The following BRWD3 variants were observed in gnomAD, a reference collection of about 807,000 sequenced individuals.
BRWD3 encodes the protein bromodomain and WD repeat domain containing 3.
A neutral mutation model predicts 149.7 loss-of-function variants in BRWD3; 10 were observed. The ratio of observed to expected loss-of-function variants is 0.07; its 90% CI spans 0.04 to 0.11. BRWD3 has a LOEUF of 0.11. Among genes scored for constraint, BRWD3 ranks in the 10% least tolerant of loss-of-function variants. The pLI is 1.00. For synonymous variants in BRWD3, 504 were observed against 456.7 expected (o/e 1.10, Z -1.32); for missense variants, 940 against 1,373.2 (o/e 0.68, Z 4.99).
At chrX:80,795,905 C>T (rs143148561) in intron 4 of BRWD3, among the ~76,000 whole-genome samples, 1,476 of 109,801 alleles carry the variant, frequency 0.013, 77 homozygotes, top group Admixed American at 0.13. Context: ...CACTCCAGCC[C>T]GTGGGTGACC....
At chrX:80,740,854 T>C (rs1041482291) in intron 8 of BRWD3, among the ~76,000 whole-genome samples, 2 of 112,217 alleles carry the variant, frequency 1.8e-5, no homozygotes, top group African/African-American at 6.5e-5. Flanking sequence ...CTGGCAAACA[T>C]CTTGCATTAA....
chrX:80,800,916 G>C (rs1009917020), intron 4 of BRWD3, among the ~76,000 whole-genome samples: 6 of 109,964 alleles, frequency 5.5e-5, no homozygotes, highest in African/African-American at 2.0e-4. Flanking sequence ...CACCAGAAGC[G>C]ACCCTCCTAG....
At chrX:80,704,580 A>C in intron 23 of BRWD3, 98 bp downstream of exon 23, 1 of 831,721 alleles carries the variant, frequency 1.2e-6, no homozygotes, top group African/African-American at 2.1e-5. Context: ...ATGAAATGTT[A>C]TTTTTAGAGA....
Position 80,712,959 on chromosome X carries a change from C to A in BRWD3, c.2325+3198G>T, listed in dbSNP as rs761732795. Among the ~76,000 whole-genome samples, 7 of 110,498 alleles carry A rather than the reference C, an allele frequency of 6.3e-5. 1 individual carries two copies. In the Admixed American group the frequency reaches 6.6e-4, roughly 10 times the overall value. On this transcript the variant is annotated intron_variant, in intron 20 of 40. Coordinates refer to ENST00000373275, the MANE Select transcript of BRWD3 (RefSeq NM_153252.5). ...GAGGAGCTCCTCCGCCCGGCACCCACCCCGTCTGGGAAGTGAGGAGCGTCT... is the reference window on the plus strand; with the variant it reads ...GAGGAGCTCCTCCGCCCGGCACCCAACCCGTCTGGGAAGTGAGGAGCGTCT...
chrX:80,706,371 A>ATTT (rs1214391564), intron 22 of BRWD3, among the ~76,000 whole-genome samples: 8 of 111,846 alleles, frequency 7.2e-5, no homozygotes, highest in Non-Finnish European at 1.5e-4. Flanking sequence ...GGCCTCCAAA[A>ATTT]GTGCTGAGAT....
rs891053958 is a variant in BRWD3, at chrX:80,728,423, C to T, written c.1386+329G>A. Among the ~76,000 whole-genome samples, 3 of 111,296 alleles carry T rather than the reference C, an allele frequency of 2.7e-5. No homozygotes were observed. In the Admixed American group the frequency reaches 2.9e-4, roughly 11 times the overall value. ...AGGATACCCTTGTTGAAATAAGGTA[C>T]GCTCTACCCCTATAACGGTAACAAT... On this transcript the variant is annotated intron_variant, in intron 14 of 40. Transcript: ENST00000373275.
Position 80,809,693 on chromosome X carries a change from G to A in BRWD3, c.-222C>T. On this transcript the variant is annotated 5_prime_UTR_variant, in exon 1 of 41. Coordinates refer to ENST00000373275, the MANE Select transcript of BRWD3 (RefSeq NM_153252.5). ...GAGGCGGAGGAGGAAGGAGAGGAGA[G>A]GGAGAGGGAGAGAGAGAGTGAGTGA... 2.5e-6 allele frequency: 1 copy of A among 405,098 alleles called. No individual in the cohort carries two copies. Among genetic ancestry groups the A allele is most frequent in the Admixed American group, 4.5e-5 (1 of 22,070 alleles). 33.4% of individuals were successfully genotyped at this position (405,098 alleles called of 1,213,427 possible). A position where few individuals can be genotyped will look rare whatever the true frequency, so the allele number is the denominator to read the frequency against.
At chrX:80,751,684 C>T (rs1454508323) in intron 6 of BRWD3, among the ~76,000 whole-genome samples, 2 of 111,466 alleles carry the variant, frequency 1.8e-5, no homozygotes, top group Non-Finnish European at 3.8e-5. Flanking sequence ...ACACTGTACT[C>T]ATTAAGTAAT....
At position 80,676,570 on chromosome X, in the gene BRWD3, G is replaced by C; in HGVS notation, c.*39C>G. 8.3e-7 allele frequency: 1 copy of C among 1,197,936 alleles called. No homozygotes were observed. Among genetic ancestry groups the C allele is most frequent in the Non-Finnish European group, 1.1e-6 (1 of 885,431 alleles). On this transcript the variant is annotated 3_prime_UTR_variant, in exon 41 of 41. Transcript: ENST00000373275. ...CCTGGTAAATTCCCTGCAGTAGAAG[G>C]CCATTGAATTTTTTAAGTTATTCTA...
chrX:80,717,740 C>T lies in BRWD3; in HGVS notation c.2064G>A (p.Met688Ile). Reference sequence around the variant, plus strand: ...TGATGTTTGGGGAAGAAGATATGTCCATGTTTGGACTTCTCAGAGCTAAAA... The same window carrying T: ...TGATGTTTGGGGAAGAAGATATGTCTATGTTTGGACTTCTCAGAGCTAAAA... ...SVNGALRSPN[M>I]DISSSPNIRL... Residue 688 changes from methionine (M) to isoleucine (I), a missense_variant, in exon 19 of 41, where the codon ATG (methionine) becomes ATA (isoleucine). Physicochemically the swap from Met to Ile is conservative, Grantham distance 10. This residue lies in a region of BRWD3 where 103 missense variants were observed against 103.2 expected (regional missense o/e 1.00). Coordinates refer to ENST00000373275, the MANE Select transcript of BRWD3 (RefSeq NM_153252.5). 1 of 1,210,714 alleles carries T rather than the reference C, an allele frequency of 8.3e-7. No individual in the cohort carries two copies. The highest frequency in any genetic ancestry group is 1.1e-6 in the Non-Finnish European group (1 of 894,755).
At chrX:80,710,806 T>G in intron 20 of BRWD3, 4 of 382,377 alleles carry the variant, frequency 1.0e-5, no homozygotes, top group South Asian at 3.0e-5. Flanking sequence ...TGGAATGGTA[T>G]GTTTTAGGAA....
intron 8 of BRWD3, among the ~76,000 whole-genome samples, chrX:80,742,578 A>C (rs2073530126): frequency 9.1e-6 from 1 of 109,988 alleles, no homozygotes; most frequent in African/African-American, 3.3e-5. Context: ...TTCATTGAGC[A>C]GTGGTTTGCA....
intron 6 of BRWD3, among the ~76,000 whole-genome samples, chrX:80,756,468 C>T (rs180952900): frequency 1.1e-5 from 1 of 92,390 alleles, no homozygotes. Context: ...CACCATTGTA[C>T]GCCAGCCTGG....
At chrX:80,712,591 C>T (rs1313138488) in intron 20 of BRWD3, among the ~76,000 whole-genome samples, 1 of 108,980 alleles carries the variant, frequency 9.2e-6, no homozygotes, top group Non-Finnish European at 1.9e-5. Flanking sequence ...AAGTGAGGAG[C>T]GTCTCTGCCT....
chrX:80,682,627 A>C lies in BRWD3; in HGVS notation c.4235T>G (p.Ile1412Ser). 1 of 1,206,581 alleles carries C rather than the reference A, an allele frequency of 8.3e-7. No individual in the cohort carries two copies. The highest frequency in any genetic ancestry group is 1.8e-5 in the South Asian group (1 of 56,920). The change falls in exon 38 of 41, where the codon ATC becomes AGC. Residue 1412 changes from isoleucine to serine, a missense_variant and splice_region_variant. Ile to Ser is a moderately radical substitution (Grantham distance 142, BLOSUM62 -2). Coordinates refer to ENST00000373275, the MANE Select transcript of BRWD3 (RefSeq NM_153252.5). ...AGATAATCGCAGCATCATGCTATAG[A>C]TCTGAGAAGGCAGAAATTATATAGT... The part of the protein sequence containing the change: ...KAYTSNKKSR[I>S]YSMMLRLSAL...
intron 6 of BRWD3, among the ~76,000 whole-genome samples, chrX:80,787,009 T>C (rs1325225715): frequency 9.1e-6 from 1 of 110,299 alleles, no homozygotes; most frequent in Admixed American, 9.7e-5. Flanking sequence ...TAAGTAAATG[T>C]ACTGAGGTCA....
At chrX:80,700,433 G>GATATATATATATATATATATATATATAT (rs748889698) in intron 24 of BRWD3, among the ~76,000 whole-genome samples, 1,032 of 55,485 alleles carry the variant, frequency 0.019, 91 homozygotes, top group Non-Finnish European at 0.023. Flanking sequence ...GAAAATATTT[G>GATATATATATATATATATATATATATAT]ATATATATAA....
intron 6 of BRWD3, among the ~76,000 whole-genome samples, chrX:80,784,200 C>G (rs927447087): frequency 9.0e-5 from 10 of 110,926 alleles, no homozygotes; most frequent in Non-Finnish European, 1.9e-4. Flanking sequence ...AACAAATATA[C>G]ACATCTACTA....
intron 24 of BRWD3, among the ~76,000 whole-genome samples, chrX:80,701,780 C>T (rs2072794537): frequency 9.1e-6 from 1 of 110,059 alleles, no homozygotes; most frequent in African/African-American, 3.3e-5. Context: ...TTAAGATATC[C>T]TTTATTATAT....
Sources: allele counts gnomAD v4.1 joint callset (sites outside exome capture counted in the v4.1 genomes callset), GRCh38; gene constraint gnomAD v4.1.1; regional missense constraint gnomAD v4.1.1; transcripts MANE v1.5; gene names NCBI Gene and HGNC (gene_info 2026-07-23, HGNC 2026-07-21).